Variants in SLIT3 observed in about 807,000 individuals in gnomAD.
SLIT3 encodes the protein slit homolog 3 protein.
A neutral mutation model predicts 184.0 loss-of-function variants in SLIT3; 68 were observed. The observed-to-expected ratio is 0.37, with a 90% CI of 0.30 to 0.45. SLIT3 has a LOEUF of 0.45. Ranked by LOEUF, SLIT3 falls within the 20% of genes least tolerant of loss-of-function variation. The probability of loss-of-function intolerance (pLI) is 1.00; values close to 1 mark genes in which losing one functional copy is unlikely to be tolerated. For missense variants in SLIT3, 1,707 were observed against 2,026.0 expected, an observed-to-expected ratio of 0.84 and a Z score of 3.02; for synonymous variants, 831 against 828.6, an observed-to-expected ratio of 1.00 and a Z score of -0.05.
intron 4 of SLIT3, among the ~76,000 whole-genome samples, chr5:169,109,371 G>T (rs1760329116): frequency 6.6e-6 from 1 of 152,176 alleles, no homozygotes. Flanking sequence ...AATGAATTCT[G>T]CCAACAACTG....
At chr5:168,850,872 G>A (rs1205993719) in intron 5 of SLIT3, among the ~76,000 whole-genome samples, 1 of 152,156 alleles carries the variant, frequency 6.6e-6, no homozygotes, top group East Asian at 1.9e-4. Flanking sequence ...CCACAAAGAG[G>A]CACACCAGAC....
intron 27 of SLIT3, among the ~76,000 whole-genome samples, chr5:168,700,119 C>G (rs1021099746): frequency 1.3e-5 from 2 of 152,222 alleles, no homozygotes; most frequent in African/African-American, 4.8e-5. Flanking sequence ...CATACAGGGC[C>G]AGCACAGCAC....
At chr5:168,952,808 A>T (rs374757843) in intron 4 of SLIT3, among the ~76,000 whole-genome samples, 2 of 152,298 alleles carry the variant, frequency 1.3e-5, no homozygotes, top group East Asian at 3.9e-4. Context: ...GACCATTGCG[A>T]TGGGTGTGGG....
chr5:169,300,348 A>T lies in SLIT3; in HGVS notation c.197+165T>A, dbSNP rs537025375. On this transcript the variant is annotated intron_variant, in intron 1 of 35. Coordinates refer to ENST00000519560, the MANE Select transcript of SLIT3 (RefSeq NM_003062.4). This position sits in a 1 kb window ranked among gnomAD's most constrained non-coding sequence, Gnocchi z 4.1. ...AGACCTCTCTTTCCAGATCTGACCA[A>T]GCCTACAGACCCCCAGCTCGGAGAG... 6.6e-6 allele frequency among the ~76,000 whole-genome samples: 1 copy of T among 152,264 alleles called. No homozygotes were observed. Among genetic ancestry groups the T allele is most frequent in the East Asian group, 1.9e-4 (1 of 5,160 alleles).
At chr5:168,731,678 C>T (rs1162669841) in intron 20 of SLIT3, among the ~76,000 whole-genome samples, 1 of 151,992 alleles carries the variant, frequency 6.6e-6, no homozygotes, top group Non-Finnish European at 1.5e-5. Context: ...ATGTGCATCA[C>T]ATAAACAGAA....
intron 4 of SLIT3, among the ~76,000 whole-genome samples, chr5:168,949,097 T>A (rs1184618185): frequency 6.6e-6 from 1 of 152,218 alleles, no homozygotes; most frequent in Non-Finnish European, 1.5e-5. Flanking sequence ...TTCATGAGTG[T>A]GTCTGGGGAC....
intron 8 of SLIT3, among the ~76,000 whole-genome samples, chr5:168,812,340 T>C (rs185481654): frequency 2.6e-5 from 4 of 152,310 alleles, no homozygotes; most frequent in Admixed American, 6.5e-5. Flanking sequence ...TCAAAATAAC[T>C]AGAAGAGAGC....
At chr5:168,802,008 C>T (rs1234183859) in intron 9 of SLIT3, among the ~76,000 whole-genome samples, 1 of 151,930 alleles carries the variant, frequency 6.6e-6, no homozygotes, top group African/African-American at 2.4e-5. Flanking sequence ...AAGGTTAAGG[C>T]AATTTAAGAG....
At chr5:168,728,260 A>C in intron 20 of SLIT3, among the ~76,000 whole-genome samples, 1 of 147,290 alleles carries the variant, frequency 6.8e-6, no homozygotes, top group East Asian at 2.0e-4. Context: ...TCAAACCCAA[A>C]GTATCTTAAT....
intron 4 of SLIT3, among the ~76,000 whole-genome samples, chr5:169,057,360 G>C (rs1758037431): frequency 6.6e-6 from 1 of 152,232 alleles, no homozygotes; most frequent in South Asian, 2.1e-4. Flanking sequence ...GGAAGAGGCT[G>C]TACAAAGTCC....
At chr5:169,054,246 G>A (rs1757912156) in intron 4 of SLIT3, among the ~76,000 whole-genome samples, 4 of 147,490 alleles carry the variant, frequency 2.7e-5, no homozygotes, top group African/African-American at 1.0e-4. Context: ...AGGTGGCAAT[G>A]TGAAGATAGA....
intron 4 of SLIT3, among the ~76,000 whole-genome samples, chr5:169,136,466 G>C (rs1409041602): frequency 1.3e-5 from 2 of 152,196 alleles, no homozygotes; most frequent in Admixed American, 1.3e-4. Context: ...GTGGTGGCCA[G>C]AACTTTGCTG....
chr5:168,774,960 G>A (rs1755692131), intron 12 of SLIT3, among the ~76,000 whole-genome samples: 2 of 151,630 alleles, frequency 1.3e-5, no homozygotes, highest in South Asian at 2.1e-4. Context: ...GCCCCATGTG[G>A]TTTGACCTTG....
chr5:168,774,123 A>C, intron 13 of SLIT3, 112 bp downstream of exon 13: 1 of 1,061,432 alleles, frequency 9.4e-7, no homozygotes, highest in Non-Finnish European at 1.4e-6. Context: ...TGCAGGCTCT[A>C]GAACTCCTCC....
At chr5:169,178,238 G>T (rs138362518) in intron 4 of SLIT3, among the ~76,000 whole-genome samples, 6 of 152,268 alleles carry the variant, frequency 3.9e-5, no homozygotes, top group South Asian at 4.1e-4. Context: ...TTCCCCTGTC[G>T]CTTAATGAAA....
chr5:168,819,457 C>T (rs774137927), intron 7 of SLIT3, among the ~76,000 whole-genome samples: 2 of 152,128 alleles, frequency 1.3e-5, no homozygotes, highest in Non-Finnish European at 1.5e-5. Flanking sequence ...TTTTGTGTGC[C>T]GGGAGAAGCA....
chr5:169,197,040 G>A (rs371155689), intron 3 of SLIT3, among the ~76,000 whole-genome samples: 8 of 152,226 alleles, frequency 5.3e-5, no homozygotes, highest in East Asian at 1.9e-4. Flanking sequence ...TAGGGTGTTC[G>A]GTTTGCTGAA....
At chr5:169,258,248 G>C (rs1458613657) in intron 1 of SLIT3, among the ~76,000 whole-genome samples, 2 of 152,200 alleles carry the variant, frequency 1.3e-5, no homozygotes, top group East Asian at 1.9e-4. Context: ...TTTACCATTA[G>C]AGCATTTTTT....
At chr5:169,257,308 G>C (rs780962074) in intron 1 of SLIT3, among the ~76,000 whole-genome samples, 2 of 151,888 alleles carry the variant, frequency 1.3e-5, no homozygotes, top group Non-Finnish European at 2.9e-5. Flanking sequence ...GAAAGAACCC[G>C]AGTCCCTGAA....
Sources: gnomAD v4.1 joint callset for allele counts (sites outside exome capture counted in the v4.1 genomes callset) on GRCh38, gnomAD v4.1.1 for gene constraint, Gnocchi (gnomAD v3.1) non-coding constraint, MANE v1.5 for transcripts, NCBI Gene and HGNC (gene_info 2026-07-23, HGNC 2026-07-21) for gene names.